The following HIVEP1 variants were observed in gnomAD, a reference collection of about 807,000 sequenced individuals.
HIVEP1 encodes the protein HIVEP zinc finger 1.
A neutral mutation model predicts 180.0 loss-of-function variants in HIVEP1; 36 were observed. The ratio of observed to expected loss-of-function variants is 0.20; its 90% confidence interval spans 0.15 to 0.26. HIVEP1 has a LOEUF of 0.26. HIVEP1 is among the 10% of genes least tolerant of loss of function. The pLI, the probability that HIVEP1 is intolerant of heterozygous loss-of-function variation, is 1.00. For synonymous variants in HIVEP1, 1,239 were observed against 1,239.0 expected, an observed-to-expected ratio of 1.00 and a Z score of 0.00; for missense variants, 3,143 against 3,268.7, an observed-to-expected ratio of 0.96 and a Z score of 0.94.
Position 12,164,347 on chromosome 6 carries a change from C to T in HIVEP1, c.8043C>T (p.Leu2681=), listed in dbSNP as rs1285852458. The change falls in exon 9 of 9, where the codon CTC becomes CTT. Residue 2681 remains leucine (L), a synonymous_variant. Coordinates refer to ENST00000379388, the MANE Select transcript of HIVEP1 (RefSeq NM_002114.4). ...VFTKPSGQQT[L]SPDRQVPRPT... ...CAAAGCCCTCAGGCCAGCAGACTCT[C>T]TCTCCAGACAGACAGGTTCCCAGGC... 5 of 1,614,078 alleles carry T rather than the reference C, an allele frequency of 3.1e-6. No individual in the cohort carries two copies. The highest frequency in any genetic ancestry group is 4.2e-6 in the Non-Finnish European group (5 of 1,180,016).
chr6:12,189,132 G>C, the HIVEP1 span, among the ~76,000 whole-genome samples: 1 of 151,730 alleles, frequency 6.6e-6, no homozygotes, highest in Non-Finnish European at 1.5e-5. Context: ...CCAATCAAGA[G>C]AAAAATTAAT....
At chr6:12,138,251 C>A (rs1758810887) in intron 7 of HIVEP1, among the ~76,000 whole-genome samples, 1 of 152,176 alleles carries the variant, frequency 6.6e-6, no homozygotes, top group Admixed American at 6.5e-5. Flanking sequence ...CTTTCCATTT[C>A]CTCACCTCTT....
At chr6:12,059,975 A>G (rs1771123485) in intron 2 of HIVEP1, among the ~76,000 whole-genome samples, 1 of 152,180 alleles carries the variant, frequency 6.6e-6, no homozygotes, top group South Asian at 2.1e-4. Flanking sequence ...TTAATGTTCT[A>G]ATTCTCTTGT....
At position 12,144,888 on chromosome 6, in the gene HIVEP1, G is replaced by A. The variant is rs56327403; in HGVS notation, c.6487+8996G>A. Among the ~76,000 whole-genome samples, 887 of 152,358 alleles carry A rather than the reference G, an allele frequency of 5.8e-3. 6 individuals carry two copies. Among genetic ancestry groups the A allele is most frequent in the African/African-American group, 0.02 (849 of 41,574 alleles). ...GGAAGCAACAGATGATGGAGAGGAT[G>A]TGGGGAAATCGGAACGCTTTTACAC... On this transcript the variant is annotated intron_variant, in intron 7 of 8. Transcript: ENST00000379388.
chr6:12,029,922 T>G (rs955326056), intron 2 of HIVEP1, among the ~76,000 whole-genome samples: 1 of 152,224 alleles, frequency 6.6e-6, no homozygotes, highest in African/African-American at 2.4e-5. Context: ...CAGGTTATCA[T>G]CCTGTACCAC....
At chr6:12,052,083 C>G (rs910644550) in intron 2 of HIVEP1, among the ~76,000 whole-genome samples, 1 of 152,086 alleles carries the variant, frequency 6.6e-6, no homozygotes, top group African/African-American at 2.4e-5. Flanking sequence ...TGAAACATGC[C>G]TTTAATTTTA....
At chr6:12,053,434 A>G (rs191463419) in intron 2 of HIVEP1, among the ~76,000 whole-genome samples, 18 of 152,324 alleles carry the variant, frequency 1.2e-4, no homozygotes, top group Non-Finnish European at 2.2e-4. Flanking sequence ...ATTATAAGCC[A>G]TGGAAAATTA....
chr6:12,018,146 C>T (rs1469667015), intron 2 of HIVEP1, among the ~76,000 whole-genome samples: 12 of 152,232 alleles, frequency 7.9e-5, no homozygotes, highest in Non-Finnish European at 1.3e-4. Context: ...GCGCACCCTT[C>T]GCGGCTGCTG....
chr6:12,185,102 A>G, the HIVEP1 span, among the ~76,000 whole-genome samples: 1 of 152,234 alleles, frequency 6.6e-6, no homozygotes, highest in South Asian at 2.1e-4. Context: ...CTGGACAAAA[A>G]TGATGAAGTA....
At chr6:12,113,055 C>T (rs535008138) in intron 3 of HIVEP1, among the ~76,000 whole-genome samples, 10 of 151,940 alleles carry the variant, frequency 6.6e-5, no homozygotes, top group South Asian at 6.2e-4. Context: ...TCTGCTTACA[C>T]GCTTGGGGCA....
chr6:12,196,203 C>G, the HIVEP1 span, among the ~76,000 whole-genome samples: 1 of 152,188 alleles, frequency 6.6e-6, no homozygotes, highest in Non-Finnish European at 1.5e-5. Flanking sequence ...TAGCTGATCA[C>G]ACAATTTTAT....
the HIVEP1 span, among the ~76,000 whole-genome samples, chr6:12,179,716 T>G: frequency 6.6e-6 from 1 of 152,160 alleles, no homozygotes; most frequent in Non-Finnish European, 1.5e-5. Context: ...ACAAGTAATG[T>G]TTTTTTAAAA....
chr6:12,050,634 C>T (rs1770449328), intron 2 of HIVEP1, among the ~76,000 whole-genome samples: 1 of 151,984 alleles, frequency 6.6e-6, no homozygotes, highest in Non-Finnish European at 1.5e-5. Context: ...AGCTGGGCGA[C>T]TCCCATCCTC....
intron 1 of HIVEP1, among the ~76,000 whole-genome samples, chr6:12,012,967 C>G (rs1315602700): frequency 6.6e-6 from 1 of 151,922 alleles, no homozygotes; most frequent in African/African-American, 2.4e-5. Flanking sequence ...TAGTTTCTTT[C>G]CGGGTTGGGA....
chr6:12,117,684 C>T lies in HIVEP1; in HGVS notation c.95-2206C>T, dbSNP rs532785623. 1.3e-5 allele frequency among the ~76,000 whole-genome samples: 2 copies of T among 152,242 alleles called. 1 individual carries two copies. Among genetic ancestry groups the T allele is most frequent in the Admixed American group, 1.3e-4 (2 of 15,290 alleles). On this transcript the variant is annotated intron_variant, in intron 3 of 8. Transcript: ENST00000379388. ...GTGAAGCAGAGCAAAACAGGCATAC[C>T]TACCCTGTCCAAGACTCTGGTTGAA...
intron 2 of HIVEP1, among the ~76,000 whole-genome samples, chr6:12,074,594 G>A (rs1170077381): frequency 6.7e-6 from 1 of 148,340 alleles, no homozygotes; most frequent in Middle Eastern, 3.5e-3. Flanking sequence ...TCCATAGATC[G>A]CTGCAGTCCT....
At chr6:12,154,553 A>G (rs1759904642) in intron 7 of HIVEP1, among the ~76,000 whole-genome samples, 2 of 152,158 alleles carry the variant, frequency 1.3e-5, no homozygotes, top group African/African-American at 2.4e-5. Context: ...TTTATGGTGT[A>G]TAGTACGTGG....
chr6:12,052,269 T>C (rs1770592667), intron 2 of HIVEP1, among the ~76,000 whole-genome samples: 2 of 152,230 alleles, frequency 1.3e-5, no homozygotes, highest in South Asian at 4.1e-4. Context: ...ATGAAATGCA[T>C]CTTACTGGAA....
intron 2 of HIVEP1, among the ~76,000 whole-genome samples, chr6:12,054,067 C>T (rs774049313): frequency 3.6e-4 from 55 of 152,196 alleles, no homozygotes; most frequent in Non-Finnish European, 6.6e-4. Context: ...AGCTTTCAGG[C>T]TCGCATTGCC....
Sources: allele counts gnomAD v4.1 joint callset (sites outside exome capture counted in the v4.1 genomes callset), GRCh38; gene constraint gnomAD v4.1.1; transcripts MANE v1.5; gene names NCBI Gene and HGNC (gene_info 2026-07-23, HGNC 2026-07-21).